Variants in STARD8 observed in about 807,000 individuals in gnomAD.
STARD8 encodes the protein stAR-related lipid transfer protein 8.
STARD8 carries 25 observed loss-of-function variants against 69.4 expected under a neutral mutation model. That is an observed-to-expected ratio of 0.36 (90% CI 0.26 to 0.50). The LOEUF (loss-of-function observed/expected upper bound fraction) is 0.50. STARD8 is among the 20% of genes least tolerant of loss of function. The pLI is 0.96. For synonymous variants in STARD8, 389 were observed against 374.6 expected, an observed-to-expected ratio of 1.04 and a Z score of -0.45; for missense variants, 921 against 932.5, an observed-to-expected ratio of 0.99 and a Z score of 0.16.
At chrX:68,702,565 C>T (rs762844372) in intron 2 of STARD8, among the ~76,000 whole-genome samples, 74 of 111,956 alleles carry the variant, frequency 6.6e-4, no homozygotes, top group African/African-American at 2.4e-3. Flanking sequence ...CTGCTGTGTG[C>T]CAGGCCCCAG....
intron 11 of STARD8, 111 bp downstream of exon 11, chrX:68,722,272 G>A: frequency 4.7e-6 from 4 of 843,751 alleles, no homozygotes; most frequent in Non-Finnish European, 6.7e-6. Flanking sequence ...TACCCCTCAA[G>A]CTTATACCCC....
At chrX:68,693,583 G>T in intron 2 of STARD8, 1 of 734,685 alleles carries the variant, frequency 1.4e-6, no homozygotes, top group African/African-American at 2.3e-5. Flanking sequence ...CATTGGCCGA[G>T]GGGAGGTGGG....
chrX:68,713,050 TG>T, intron 3 of STARD8, 65 bp downstream of exon 3: 1 of 1,062,827 alleles, frequency 9.4e-7, no homozygotes, highest in South Asian at 2.0e-5. Context: ...ATCTGTTAGA[TG>T]GGGCAAGTCA....
intron 1 of STARD8, among the ~76,000 whole-genome samples, chrX:68,651,707 G>C (rs928910385): frequency 2.7e-5 from 3 of 110,524 alleles, no homozygotes; most frequent in Non-Finnish European, 3.8e-5. Flanking sequence ...ACAAACTTGG[G>C]TTTCAATTCC....
intron 1 of STARD8, among the ~76,000 whole-genome samples, chrX:68,653,576 ACACACACACCACACCACACAAG>A (rs1569351417): frequency 1.0e-4 from 2 of 19,550 alleles, no homozygotes; most frequent in Non-Finnish European, 2.0e-4. Context: ...CACACACACC[ACACACACACCACACCACACAAG>A]CACACACACC....
chrX:68,716,080 A>G (rs2080089168), intron 4 of STARD8, among the ~76,000 whole-genome samples: 1 of 111,127 alleles, frequency 9.0e-6, no homozygotes, highest in Non-Finnish European at 1.9e-5. Context: ...TCCCTCCTTC[A>G]TGGAAGTTGC....
At chrX:68,691,077 A>T in intron 2 of STARD8, among the ~76,000 whole-genome samples, 1 of 111,735 alleles carries the variant, frequency 8.9e-6, no homozygotes, top group Middle Eastern at 4.6e-3. Context: ...TGGGCATGGT[A>T]GAATGAGGAA....
At chrX:68,679,316 T>C (rs2079786126) in intron 2 of STARD8, among the ~76,000 whole-genome samples, 1 of 111,508 alleles carries the variant, frequency 9.0e-6, no homozygotes, top group Admixed American at 9.5e-5. Flanking sequence ...GACTCCTGGC[T>C]CAGTGTTCCC....
chrX:68,652,808 ACACACACCC>A (rs1569350687), intron 1 of STARD8, among the ~76,000 whole-genome samples: 3 of 54,780 alleles, frequency 5.5e-5, no homozygotes, highest in Non-Finnish European at 3.5e-5. Context: ...CACACACCAC[ACACACACCC>A]CACACACCCC....
At chrX:68,714,898 T>C (rs1437154739) in intron 3 of STARD8, among the ~76,000 whole-genome samples, 1 of 111,561 alleles carries the variant, frequency 9.0e-6, no homozygotes, top group African/African-American at 3.3e-5. Context: ...TGTGCTGTCC[T>C]GTCCCTTCTG....
chrX:68,722,509 C>T lies in STARD8; in HGVS notation c.2662C>T (p.Gln888Ter). 8.3e-7 allele frequency: 1 copy of T among 1,211,574 alleles called. No homozygotes were observed. Among genetic ancestry groups the T allele is most frequent in the Non-Finnish European group, 1.1e-6 (1 of 895,486 alleles). Residue 888 changes from glutamine to a stop codon, truncating the protein, a stop_gained, in exon 12 of 15, where the codon CAG (glutamine) becomes TAG (stop). Coordinates refer to ENST00000374599, the MANE Select transcript of STARD8 (RefSeq NM_001142503.3). LOFTEE classifies it high-confidence loss of function. The part of the protein sequence containing the change: ...PPGPALAELR[Q>*]AQAAGVSLSL... Reference sequence around the variant, plus strand: ...CGGCCCAGCCCTGGCTGAGCTGCGTCAGGCCCAAGCTGCAGGGGTAAGCCT... The same window carrying T: ...CGGCCCAGCCCTGGCTGAGCTGCGTTAGGCCCAAGCTGCAGGGGTAAGCCT...
chrX:68,716,075 C>T (rs927160717), intron 4 of STARD8, among the ~76,000 whole-genome samples: 3 of 111,809 alleles, frequency 2.7e-5, no homozygotes, highest in African/African-American at 9.7e-5. Context: ...CTGCATCCCT[C>T]CTTCATGGAA....
Position 68,694,237 on chromosome X carries a change from T to C in STARD8, c.80-18677T>C, listed in dbSNP as rs182709496. ...CAGATCTCCTGCCCTCTCCTTTCTC[T>C]GCTTTCGAGGGCATTTCCAGGAAGC... is the stretch of plus-strand genomic sequence containing the variant. On this transcript the variant is annotated intron_variant, in intron 2 of 14. Coordinates refer to ENST00000374599, the MANE Select transcript of STARD8 (RefSeq NM_001142503.3). 8.1e-3 allele frequency among the ~76,000 whole-genome samples: 908 copies of C among 112,750 alleles called. 3 individuals are homozygous for C. Among genetic ancestry groups the C allele is most frequent in the African/African-American group, 0.019 (592 of 31,117 alleles).
In STARD8 at chrX:68,661,968, C is replaced by CTT. The variant is rs1569353764; in HGVS notation, c.46-3530_46-3529insTT. Among the ~76,000 whole-genome samples the CTT allele has an allele frequency of 6.1e-3, 454 of 74,371 alleles. 4 individuals carry two copies. Among genetic ancestry groups the CTT allele is most frequent in the African/African-American group, 0.028 (333 of 11,825 alleles). The allele number at this position is 74,371 out of a possible 115,157, so 64.6% of individuals were successfully genotyped here. A position where few individuals can be genotyped will look rare whatever the true frequency, so the allele number is the denominator to read the frequency against. On this transcript the variant is annotated intron_variant, in intron 1 of 14. Transcript: ENST00000374599. The stretch of plus-strand genomic sequence containing the variant: ...TTCCTCTCTCTCTCTCTCTCTCTCT[C>CTT]TCTCTTTCTTTCTTTCTTTCTTTCT...
chrX:68,683,113 G>C (rs1049115344), intron 2 of STARD8, among the ~76,000 whole-genome samples: 3 of 112,237 alleles, frequency 2.7e-5, no homozygotes, highest in Non-Finnish European at 5.6e-5. Flanking sequence ...GCAGCAGGGA[G>C]CCCCCTTGTC....
chrX:68,724,659 C>T lies in STARD8; in HGVS notation c.*237C>T, dbSNP rs944175121. ...CCCCCAACCCTGTATTCTACTCTCC[C>T]GAAAAGAGAAGAGAATCGCATGAGT... is the stretch of plus-strand genomic sequence containing the variant. On this transcript the variant is annotated 3_prime_UTR_variant, in exon 15 of 15. Transcript: ENST00000374599. The T allele has an allele frequency of 9.2e-6, 3 of 325,207 alleles. No individual in the cohort carries two copies. Among genetic ancestry groups the T allele is most frequent in the Non-Finnish European group, 1.6e-5 (3 of 187,724 alleles). 26.8% of individuals were successfully genotyped at this position (325,207 alleles called of 1,213,427 possible).
intron 1 of STARD8, among the ~76,000 whole-genome samples, chrX:68,657,991 C>G (rs769091740): frequency 2.7e-5 from 3 of 110,549 alleles, no homozygotes; most frequent in Non-Finnish European, 5.7e-5. Flanking sequence ...GGAGGATATA[C>G]TTCCTATGGC....
chrX:68,690,018 TTTTG>T (rs915539457), intron 2 of STARD8, among the ~76,000 whole-genome samples: 8 of 109,373 alleles, frequency 7.3e-5, no homozygotes, highest in Admixed American at 5.9e-4. Context: ...TTTTGTTTTG[TTTTG>T]TTTGTTTGTT....
intron 12 of STARD8, among the ~76,000 whole-genome samples, chrX:68,723,193 T>C (rs190855990): frequency 8.9e-6 from 1 of 112,552 alleles, no homozygotes; most frequent in African/African-American, 3.2e-5. Context: ...AAAAAAATGG[T>C]CATAACAAAA....
Sources: gnomAD v4.1 joint callset for allele counts (sites outside exome capture counted in the v4.1 genomes callset) on GRCh38, gnomAD v4.1.1 for gene constraint, MANE v1.5 for transcripts, NCBI Gene and HGNC (gene_info 2026-07-23, HGNC 2026-07-21) for gene names.